The following SHC4 variants were observed in gnomAD, a reference collection of about 807,000 sequenced individuals.
The protein encoded by SHC4 is SHC-transforming protein 4.
In SHC4, 41 loss-of-function variants were observed where a neutral mutation model predicts 69.4. That is an observed-to-expected ratio of 0.59 (90% CI 0.46 to 0.77). The LOEUF is 0.77. SHC4 is among the 30% of genes least tolerant of loss of function. The probability of loss-of-function intolerance (pLI) is 0.00; values close to 1 mark genes in which losing one functional copy is unlikely to be tolerated. For missense variants in SHC4, 777 were observed against 783.8 expected, an observed-to-expected ratio of 0.99 and a Z score of 0.10; for synonymous variants, 318 against 299.3, an observed-to-expected ratio of 1.06 and a Z score of -0.64.
Position 48,834,844 on chromosome 15 carries a change from G to C in SHC4, c.1662C>G (p.Ser554=), listed in dbSNP as rs1898870348. ...GDFLVRESAT[S]PGQYVLSGLQ... ...GTCCACTCAGCACATATTGGCCAGG[G>C]GATGTTGCACTCTCTCGAACCAAAA... Residue 554 remains serine, a synonymous_variant, in exon 11 of 12, where the codon TCC becomes TCG. Coordinates refer to ENST00000332408, the MANE Select transcript of SHC4 (RefSeq NM_203349.4). The C allele has an allele frequency of 1.9e-6, 3 of 1,614,098 alleles. No individual in the cohort carries two copies. In the African/African-American group the frequency reaches 4.0e-5, roughly 22 times the overall value.
chr15:48,867,787 C>G (rs761844641), intron 6 of SHC4, 31 bp downstream of exon 6: 10 of 1,604,544 alleles, frequency 6.2e-6, no homozygotes, highest in Non-Finnish European at 8.5e-6. Flanking sequence ...TATACCAGCT[C>G]TTTAAAAAAT....
Position 48,835,052 on chromosome 15 carries a change from T to C in SHC4, c.1484-30A>G, listed in dbSNP as rs754198763. Reference sequence around the variant, plus strand: ...AGTCAGAACACAAAGAGAGACATCATCGAGTTACCTCTTCATCCATCCATT... The same window carrying C: ...AGTCAGAACACAAAGAGAGACATCACCGAGTTACCTCTTCATCCATCCATT... On this transcript the variant is annotated intron_variant, in intron 10 of 11. Coordinates refer to ENST00000332408, the MANE Select transcript of SHC4 (RefSeq NM_203349.4). 17 of 1,581,340 alleles carry C rather than the reference T, an allele frequency of 1.1e-5. 1 individual carries two copies. The highest frequency in any genetic ancestry group is 1.3e-5 in the African/African-American group (1 of 74,330).
At chr15:48,838,707 G>GA (rs1057451674) in intron 10 of SHC4, among the ~76,000 whole-genome samples, 2 of 151,254 alleles carry the variant, frequency 1.3e-5, no homozygotes, top group Non-Finnish European at 3.0e-5. Flanking sequence ...TGCTCCAATA[G>GA]AAAAAACATA....
At chr15:48,916,077 T>C (rs1453399617) in intron 2 of SHC4, among the ~76,000 whole-genome samples, 1 of 152,196 alleles carries the variant, frequency 6.6e-6, no homozygotes, top group Non-Finnish European at 1.5e-5. Context: ...CTAATCCTGT[T>C]CTGCAATCCT....
At chr15:48,895,070 G>T (rs1480285617) in intron 2 of SHC4, among the ~76,000 whole-genome samples, 1 of 152,026 alleles carries the variant, frequency 6.6e-6, no homozygotes, top group African/African-American at 2.4e-5. Flanking sequence ...CTCCCAAAGT[G>T]CTGGGATTAG....
At chr15:48,874,640 G>A (rs1040476028) in intron 4 of SHC4, among the ~76,000 whole-genome samples, 1 of 152,206 alleles carries the variant, frequency 6.6e-6, no homozygotes, top group Non-Finnish European at 1.5e-5. Flanking sequence ...AGGTGGTGAC[G>A]CTAGTGCTGG....
intron 4 of SHC4, chr15:48,876,636 C>T (rs1187562825): frequency 2.9e-6 from 2 of 692,196 alleles, no homozygotes; most frequent in East Asian, 2.7e-5. Flanking sequence ...CTTGGGAATC[C>T]AATGTTCGAG....
At position 48,825,977 on chromosome 15, in the gene SHC4, G is replaced by A. The variant is rs762459346; in HGVS notation, c.1887C>T (p.Asn629=). The change falls in exon 12 of 12, where the codon AAC becomes AAT. Residue 629 remains asparagine (N), a synonymous_variant. Transcript: ENST00000332408. ...KDNNPALLHS[N]K ...TGATGGTGCTTCAATACTGTCATTT[G>A]TTGGAATGCAAAAGTGCTGGATTAT... The A allele has an allele frequency of 7.4e-6, 12 of 1,613,152 alleles. No homozygotes were observed. The East Asian group carries it at 2.7e-4, about 36-fold the overall frequency.
At chr15:48,932,678 G>A (rs1407849157) in intron 1 of SHC4, among the ~76,000 whole-genome samples, 2 of 152,060 alleles carry the variant, frequency 1.3e-5, no homozygotes, top group African/African-American at 4.8e-5. Flanking sequence ...TCTTTTATGA[G>A]ATCTCTCCTC....
intron 3 of SHC4, among the ~76,000 whole-genome samples, chr15:48,888,143 G>C (rs532526471): frequency 6.6e-6 from 1 of 152,200 alleles, no homozygotes; most frequent in African/African-American, 2.4e-5. Context: ...TGAAAGGAAG[G>C]TCTCTAAAAG....
At chr15:48,916,803 T>C (rs1390569025) in intron 2 of SHC4, among the ~76,000 whole-genome samples, 1 of 152,228 alleles carries the variant, frequency 6.6e-6, no homozygotes, top group East Asian at 1.9e-4. Flanking sequence ...CCAGTAAGCC[T>C]GGCTTGGGCA....
At chr15:48,843,870 A>G (rs983802049) in intron 9 of SHC4, among the ~76,000 whole-genome samples, 3 of 151,140 alleles carry the variant, frequency 2.0e-5, no homozygotes, top group African/African-American at 7.3e-5. Context: ...TCCAAAGAGG[A>G]CTGACCAGCC....
intron 6 of SHC4, among the ~76,000 whole-genome samples, chr15:48,865,891 T>C (rs974223355): frequency 6.6e-6 from 1 of 152,160 alleles, no homozygotes; most frequent in Non-Finnish European, 1.5e-5. Context: ...GCATCATAAT[T>C]TTCTCTGCCT....
intron 1 of SHC4, among the ~76,000 whole-genome samples, chr15:48,955,860 G>T (rs1347744074): frequency 6.6e-6 from 1 of 152,206 alleles, no homozygotes; most frequent in East Asian, 1.9e-4. Flanking sequence ...AGAACTGGGA[G>T]CTCTTGTCTG....
chr15:48,923,673 G>A (rs1900794137), intron 2 of SHC4, among the ~76,000 whole-genome samples: 1 of 114,484 alleles, frequency 8.7e-6, no homozygotes, highest in Non-Finnish European at 1.7e-5. Context: ...TCAGGGTCTT[G>A]CTGTCACCCA....
At chr15:48,863,736 G>C (rs922544071) in intron 6 of SHC4, among the ~76,000 whole-genome samples, 2 of 152,108 alleles carry the variant, frequency 1.3e-5, no homozygotes, top group Non-Finnish European at 2.9e-5. Context: ...GATGAAATAT[G>C]ATGTCTAATT....
At chr15:48,842,585 A>G (rs2140972726) in intron 10 of SHC4, among the ~76,000 whole-genome samples, 1 of 152,352 alleles carries the variant, frequency 6.6e-6, no homozygotes, top group Middle Eastern at 3.4e-3. Flanking sequence ...GACCAAGAAA[A>G]TAGCCTTCTT....
rs367557332 is a variant in SHC4 at position 48,962,426 on chromosome 15, C to T, written c.585+5G>A. On this transcript the variant is annotated splice_donor_5th_base_variant and intron_variant, in intron 1 of 11. Coordinates refer to ENST00000332408, the MANE Select transcript of SHC4 (RefSeq NM_203349.4). ...CTTAGAGGGCAGAGAGGAAAATGGA[C>T]TTACCCTCACACAGTAGTTCATGCC... is the stretch of plus-strand genomic sequence containing the variant. 1 of 1,514,000 alleles carries T rather than the reference C, an allele frequency of 6.6e-7. No individual in the cohort carries two copies. Among genetic ancestry groups the T allele is most frequent in the East Asian group, 2.3e-5 (1 of 43,892 alleles). 93.8% of individuals were successfully genotyped at this position (1,514,000 alleles called of 1,614,324 possible). A position where few individuals can be genotyped will look rare whatever the true frequency, so the allele number is the denominator to read the frequency against.
chr15:48,878,602 C>T, intron 4 of SHC4: 2 of 1,614,018 alleles, frequency 1.2e-6, no homozygotes, highest in South Asian at 1.1e-5. Flanking sequence ...GAGAACCAGC[C>T]CTGGATGGCG....
Sources: allele counts gnomAD v4.1 joint callset (sites outside exome capture counted in the v4.1 genomes callset), GRCh38; gene constraint gnomAD v4.1.1; transcripts MANE v1.5; gene names NCBI Gene and HGNC (gene_info 2026-07-23, HGNC 2026-07-21).